Variants in CALD1 observed in about 807,000 individuals in gnomAD.
CALD1 encodes caldesmon.
A neutral mutation model predicts 99.9 loss-of-function variants in CALD1; 33 were observed. That is an observed-to-expected ratio of 0.33 (90% confidence interval 0.25 to 0.44). The LOEUF (loss-of-function observed/expected upper bound fraction) is 0.44. Among genes scored for constraint, CALD1 ranks in the 20% least tolerant of loss-of-function variants. CALD1 has a pLI of 1.00. For missense variants in CALD1, 861 were observed against 962.1 expected (o/e 0.89, Z 1.39); for synonymous variants, 310 against 325.0 (o/e 0.95, Z 0.50).
At chr7:134,911,146 T>C (rs1362785101) in intron 3 of CALD1, among the ~76,000 whole-genome samples, 1 of 152,098 alleles carries the variant, frequency 6.6e-6, no homozygotes, top group Admixed American at 6.5e-5. Flanking sequence ...GTTGGTTTAA[T>C]ATGGTTTTGT....
intron 3 of CALD1, among the ~76,000 whole-genome samples, chr7:134,914,956 A>G (rs987508236): frequency 6.6e-6 from 1 of 152,224 alleles, no homozygotes; most frequent in African/African-American, 2.4e-5. Context: ...GGTTGAATTT[A>G]TCTTGGTTTC....
chr7:134,884,281 G>A (rs180865666), intron 3 of CALD1, among the ~76,000 whole-genome samples: 1 of 152,192 alleles, frequency 6.6e-6, no homozygotes, highest in African/African-American at 2.4e-5. Context: ...ACAGAGTTGT[G>A]ACATGAAAAG....
At chr7:134,842,721 A>T (rs981669111) in intron 1 of CALD1, among the ~76,000 whole-genome samples, 13 of 152,316 alleles carry the variant, frequency 8.5e-5, no homozygotes, top group Admixed American at 5.2e-4. Context: ...TAGAAATTTT[A>T]AATTAGGATA....
chr7:134,825,702 C>A (rs769947053), intron 1 of CALD1, among the ~76,000 whole-genome samples: 3 of 152,100 alleles, frequency 2.0e-5, no homozygotes, highest in Non-Finnish European at 2.9e-5. Context: ...AACCCAAGGT[C>A]ATTTTATACT....
intron 2 of CALD1, among the ~76,000 whole-genome samples, chr7:134,848,109 G>C (rs1419954187): frequency 2.7e-5 from 4 of 149,468 alleles, no homozygotes; most frequent in Admixed American, 2.7e-4. Flanking sequence ...AAAAAAAAAA[G>C]CCCTAAGACA....
intron 6 of CALD1, among the ~76,000 whole-genome samples, chr7:134,939,033 A>T (rs1440483134): frequency 6.6e-6 from 1 of 152,236 alleles, no homozygotes; most frequent in Admixed American, 6.5e-5. Context: ...GTTATCCCTA[A>T]AATGGGTTTC....
At chr7:134,924,875 T>A (rs1326660967) in intron 3 of CALD1, among the ~76,000 whole-genome samples, 1 of 152,110 alleles carries the variant, frequency 6.6e-6, no homozygotes, top group Non-Finnish European at 1.5e-5. Context: ...TCACGAGATC[T>A]GATGGTTTTA....
At chr7:134,856,382 G>T (rs1044752406) in intron 2 of CALD1, among the ~76,000 whole-genome samples, 3 of 152,156 alleles carry the variant, frequency 2.0e-5, no homozygotes, top group African/African-American at 7.2e-5. Flanking sequence ...GGGTAGCCAC[G>T]CGAGGCCTGG....
At chr7:134,796,404 T>C (rs2131810992) in intron 1 of CALD1, among the ~76,000 whole-genome samples, 1 of 152,306 alleles carries the variant, frequency 6.6e-6, no homozygotes, top group Non-Finnish European at 1.5e-5. Flanking sequence ...TCCTTTGAAA[T>C]ATGAAGACTT....
the CALD1 span, among the ~76,000 whole-genome samples, chr7:134,724,374 G>C: frequency 1.2e-4 from 19 of 152,176 alleles, no homozygotes; most frequent in Non-Finnish European, 2.2e-4. Context: ...TTCAGGGGAA[G>C]CTGAGAGAAA....
intron 3 of CALD1, among the ~76,000 whole-genome samples, chr7:134,873,153 C>G (rs1317539153): frequency 6.6e-6 from 1 of 151,988 alleles, no homozygotes. Context: ...TGCCACTGCA[C>G]TACAAGCTGG....
chr7:134,927,430 T>C (rs1228192371), intron 3 of CALD1, among the ~76,000 whole-genome samples: 1 of 151,032 alleles, frequency 6.6e-6, no homozygotes, highest in African/African-American at 2.4e-5. Context: ...TGTGCACCCA[T>C]AGTCCCAGCT....
rs757030162 is a variant in CALD1, at chr7:134,947,628, C to T, written c.1653C>T (p.Phe551=). The change falls in exon 8 of 15, where the codon TTC becomes TTT. Residue 551 remains phenylalanine, a synonymous_variant. Coordinates refer to ENST00000361675, the MANE Select transcript of CALD1 (RefSeq NM_033138.4). ...RRRGETESEE[F]EKLKQKQQEA... is the part of the protein sequence containing the mutation. ...GCGGGGAGACCGAGAGCGAAGAGTT[C>T]GAGAAGCTCAAACAGAAGCAGCAGG... The T allele has an allele frequency of 6.4e-6, 10 of 1,568,672 alleles. No homozygotes were observed. The highest frequency in any genetic ancestry group is 7.8e-6 in the Non-Finnish European group (9 of 1,156,376).
rs371497150 is a variant in CALD1, at chr7:134,928,828, G to A, written c.146G>A (p.Arg49Gln). 8.1e-6 allele frequency: 13 copies of A among 1,613,858 alleles called. No homozygotes were observed. Among genetic ancestry groups the A allele is most frequent in the Admixed American group, 5.0e-5 (3 of 59,968 alleles). Residue 49 changes from arginine (R) to glutamine (Q), a missense_variant, in exon 4 of 15, where the codon CGG becomes CAG. Around this residue, in one of 5 missense-constraint regions of CALD1, gnomAD observed 123 missense variants for 169.8 expected, o/e 0.72. Coordinates refer to ENST00000361675, the MANE Select transcript of CALD1 (RefSeq NM_033138.4). The part of the protein sequence containing the change: ...RERRRRARQE[R>Q]LRQKQEEESL... ...CGGCGCCGCCGAGCCCGACAGGAAC[G>A]GCTGCGGCAGAAGCAGGAGGAAGAA...
At chr7:134,712,285 C>G in the CALD1 span, among the ~76,000 whole-genome samples, 1 of 152,146 alleles carries the variant, frequency 6.6e-6, no homozygotes, top group Non-Finnish European at 1.5e-5. Flanking sequence ...ACTTGGAGGT[C>G]CAGCCAACAA....
chr7:134,829,897 A>G (rs1336455663), intron 1 of CALD1, among the ~76,000 whole-genome samples: 2 of 152,174 alleles, frequency 1.3e-5, no homozygotes, highest in African/African-American at 4.8e-5. Flanking sequence ...CTGAAGGGAG[A>G]ATCACCTGGA....
chr7:134,942,137 AGAG>A (rs764811232), intron 7 of CALD1, among the ~76,000 whole-genome samples: 1 of 152,118 alleles, frequency 6.6e-6, no homozygotes, highest in Non-Finnish European at 1.5e-5. Context: ...GATGTGCCGG[AGAG>A]GAGTCTTGGG....
At chr7:134,838,738 T>C (rs569491376) in intron 1 of CALD1, among the ~76,000 whole-genome samples, 3 of 152,336 alleles carry the variant, frequency 2.0e-5, no homozygotes, top group Non-Finnish European at 4.4e-5. Context: ...TGATTTGTAT[T>C]ATCTTATTGT....
In CALD1 at chr7:134,969,756, C is replaced by T. The variant is rs977281891; in HGVS notation, c.*1411C>T. The T allele has an allele frequency of 6.6e-6, 1 of 152,316 alleles. No homozygotes were observed. The highest frequency in any genetic ancestry group is 1.5e-5 in the Non-Finnish European group (1 of 68,040). The allele number at this position is 152,316 out of a possible 1,614,324, so 9.4% of individuals were successfully genotyped here. ...TTTTTTAACTCATGATTTTTACACA[C>T]ACAATCCAGAACTTATTATATAGCC... On this transcript the variant is annotated 3_prime_UTR_variant, in exon 15 of 15. Coordinates refer to ENST00000361675, the MANE Select transcript of CALD1 (RefSeq NM_033138.4).
Sources: gnomAD v4.1 joint callset for allele counts (sites outside exome capture counted in the v4.1 genomes callset) on GRCh38, gnomAD v4.1.1 for gene constraint, gnomAD v4.1.1 regional missense constraint, MANE v1.5 for transcripts, NCBI Gene and HGNC (gene_info 2026-07-23, HGNC 2026-07-21) for gene names.